The following SYNE1 variants were observed in gnomAD, a reference collection of about 807,000 sequenced individuals.
SYNE1 encodes the protein spectrin repeat containing nuclear envelope protein 1.
In SYNE1, 616 loss-of-function variants were observed where a neutral mutation model predicts 1,111.0. That is an observed-to-expected ratio of 0.55 (90% CI 0.52 to 0.59). The LOEUF is 0.59. SYNE1 is among the 20% of genes least tolerant of loss of function. SYNE1 has a pLI of 0.00. For synonymous variants in SYNE1, 3,855 were observed against 3,825.8 expected (o/e 1.01, Z -0.28); for missense variants, 10,006 against 10,417.0 (o/e 0.96, Z 1.72).
chr6:152,242,885 ACAACT>A (rs2086096816), intron 106 of SYNE1, among the ~76,000 whole-genome samples: 1 of 152,220 alleles, frequency 6.6e-6, no homozygotes, highest in East Asian at 1.9e-4. Flanking sequence ...TAATGTGGAA[ACAACT>A]CAACTCTTTG....
intron 3 of SYNE1, among the ~76,000 whole-genome samples, chr6:152,604,180 A>T (rs3076673): frequency 7.8e-6 from 1 of 128,164 alleles, no homozygotes; most frequent in African/African-American, 3.1e-5. Flanking sequence ...GTGTGTGTGT[A>T]TGTGTGTGTG....
chr6:152,360,184 A>G (rs2154065002), intron 64 of SYNE1, among the ~76,000 whole-genome samples: 1 of 152,294 alleles, frequency 6.6e-6, no homozygotes, highest in African/African-American at 2.4e-5. Flanking sequence ...TGCTGCCGGG[A>G]TCAAGTGGAA....
Position 152,202,131 on chromosome 6 carries a change from G to A in SYNE1, c.23020-182C>T, listed in dbSNP as rs192105822. On this transcript the variant is annotated intron_variant, in intron 126 of 145. Coordinates refer to ENST00000367255, the MANE Select transcript of SYNE1 (RefSeq NM_182961.4). Reference sequence around the variant, plus strand: ...GGAGGCCGAGGCGGGTGGATCACTCGAGGTCAGGAGTTTGTAACCAGTCTG... The same window carrying A: ...GGAGGCCGAGGCGGGTGGATCACTCAAGGTCAGGAGTTTGTAACCAGTCTG... Among the ~76,000 whole-genome samples the A allele has an allele frequency of 2.4e-3, 372 of 152,084 alleles. 1 individual carries two copies. Among genetic ancestry groups the A allele is most frequent in the African/African-American group, 8.6e-3 (357 of 41,512 alleles).
chr6:152,353,283 T>C lies in SYNE1; in HGVS notation c.11233A>G (p.Lys3745Glu), dbSNP rs1461326657. The C allele has an allele frequency of 6.2e-7, 1 of 1,614,190 alleles. No homozygotes were observed. The highest frequency in any genetic ancestry group is 1.7e-5 in the Admixed American group (1 of 60,024). Residue 3745 changes from lysine (K) to glutamate (E), a missense_variant, in exon 69 of 146, where the codon AAG (lysine) becomes GAG (glutamate). Lys to Glu is a moderately conservative substitution (Grantham distance 56). This residue lies in a region of SYNE1 where 4,955 missense variants were observed against 5,017.2 expected (regional missense o/e 0.99). Coordinates refer to ENST00000367255, the MANE Select transcript of SYNE1 (RefSeq NM_182961.4). Reference protein sequence around the residue: ...IDKVDTVMMGKKLKTLEVLLK... With the variant: ...IDKVDTVMMGEKLKTLEVLLK... ...CCTACCTCCAACGTCTTCAATTTCT[T>C]CCCCATCATTACTGTATCTACTTTG...
In SYNE1 at chr6:152,284,049, T is replaced by A. The variant is rs1456649889; in HGVS notation, c.18136A>T (p.Thr6046Ser). 1 of 1,614,088 alleles carries A rather than the reference T, an allele frequency of 6.2e-7. No individual in the cohort carries two copies. The highest frequency in any genetic ancestry group is 8.5e-7 in the Non-Finnish European group (1 of 1,180,046). ...ATTCGCTCGGCTAAGACAGTGAGCG[T>A]GGACTGCAAGGCCAGCTGCTCCGCA... ...DPAEQLALQS[T>S]LTVLAERMST... The change falls in exon 96 of 146, where the codon ACG becomes TCG. Residue 6046 changes from threonine (T) to serine (S), a missense_variant. Physicochemically the swap from Thr to Ser is moderately conservative, Grantham distance 58. Around this residue, in one of 7 missense-constraint regions of SYNE1, gnomAD observed 4,955 missense variants for 5,017.2 expected, o/e 0.99. Transcript: ENST00000367255.
At chr6:152,152,890 A>T (rs1388569133) in intron 133 of SYNE1, among the ~76,000 whole-genome samples, 1 of 152,206 alleles carries the variant, frequency 6.6e-6, no homozygotes, top group Non-Finnish European at 1.5e-5. Flanking sequence ...TCCCAGGGTC[A>T]GTTTAGAGAT....
At chr6:152,435,522 T>C (rs764365400) in intron 33 of SYNE1, 11 of 170,956 alleles carry the variant, frequency 6.4e-5, no homozygotes, top group Admixed American at 1.8e-4. Flanking sequence ...AGGTTGGAGA[T>C]ATATGGTCTA....
rs756840607 is a variant in SYNE1 at position 152,347,081 on chromosome 6, G to A, written c.12056C>T (p.Ala4019Val). ...CACCCTCTGAGCTGTGCTGCAGATC[G>A]CTGAGTAGCTGTCCTTTGTGCCCTG... is the stretch of plus-strand genomic sequence containing the variant. The part of the protein sequence containing the change: ...HLQGTKDSYS[A>V]ICSTAQRMYQ... The change falls in exon 73 of 146, where the codon GCG (alanine) becomes GTG (valine). Residue 4019 changes from alanine to valine, a missense_variant. Coordinates refer to ENST00000367255, the MANE Select transcript of SYNE1 (RefSeq NM_182961.4). 3.7e-6 allele frequency: 6 copies of A among 1,614,018 alleles called. No individual in the cohort carries two copies. Among genetic ancestry groups the A allele is most frequent in the African/African-American group, 1.3e-5 (1 of 74,914 alleles).
At chr6:152,494,077 G>A (rs970665422) in intron 11 of SYNE1, among the ~76,000 whole-genome samples, 10 of 152,130 alleles carry the variant, frequency 6.6e-5, no homozygotes, top group South Asian at 2.1e-4. Context: ...CTTTCTATCC[G>A]AACAACCTGA....
intron 41 of SYNE1, among the ~76,000 whole-genome samples, chr6:152,415,041 A>G (rs2098130874): frequency 6.6e-6 from 1 of 152,188 alleles, no homozygotes; most frequent in Admixed American, 6.5e-5. Flanking sequence ...ACAACCAGCA[A>G]TGGTCTTTCA....
intron 34 of SYNE1, among the ~76,000 whole-genome samples, chr6:152,431,102 A>G (rs1380512963): frequency 6.6e-6 from 1 of 152,204 alleles, no homozygotes; most frequent in Non-Finnish European, 1.5e-5. Context: ...AGAATGCTAA[A>G]TACTGACATT....
chr6:152,211,509 C>T lies in SYNE1; in HGVS notation c.22574G>A (p.Gly7525Asp). ...IIDGQRLLEQ[G>D]QVDDRDEFNL... is the part of the protein sequence containing the mutation. ...AAGATCCTACCTGTCATCAACTTGA[C>T]CTTGTTCTAGAAGACGTTGCCCATC... The change falls in exon 124 of 146, where the codon GGT becomes GAT. Residue 7525 changes from glycine to aspartate, a missense_variant. Around this residue, in one of 7 missense-constraint regions of SYNE1, gnomAD observed 2,182 missense variants for 2,287.8 expected, o/e 0.95. Coordinates refer to ENST00000367255, the MANE Select transcript of SYNE1 (RefSeq NM_182961.4). 6.2e-7 allele frequency: 1 copy of T among 1,613,542 alleles called. No individual in the cohort carries two copies. Among genetic ancestry groups the T allele is most frequent in the Non-Finnish European group, 8.5e-7 (1 of 1,179,636 alleles).
chr6:152,196,274 T>C (rs1292668449), intron 127 of SYNE1, among the ~76,000 whole-genome samples: 1 of 152,130 alleles, frequency 6.6e-6, no homozygotes, highest in African/African-American at 2.4e-5. Flanking sequence ...TCTTTCCTGT[T>C]GTTGCTATGC....
At chr6:152,393,474 T>C (rs973849601) in intron 51 of SYNE1, among the ~76,000 whole-genome samples, 9 of 151,840 alleles carry the variant, frequency 5.9e-5, no homozygotes, top group African/African-American at 2.2e-4. Flanking sequence ...GATGCTAGTA[T>C]TCTGTTAATT....
chr6:152,193,187 G>T (rs2073052225), intron 127 of SYNE1, among the ~76,000 whole-genome samples: 1 of 151,632 alleles, frequency 6.6e-6, no homozygotes, highest in African/African-American at 2.4e-5. Flanking sequence ...TTTCACTGTT[G>T]GTATGTTTTA....
At chr6:152,378,740 C>T (rs2097340016) in intron 56 of SYNE1, among the ~76,000 whole-genome samples, 2 of 152,140 alleles carry the variant, frequency 1.3e-5, no homozygotes, top group African/African-American at 4.8e-5. Flanking sequence ...TTTAAGTACC[C>T]CCTGCCCTCC....
intron 21 of SYNE1, among the ~76,000 whole-genome samples, chr6:152,461,002 C>T (rs1278129163): frequency 1.3e-5 from 2 of 151,618 alleles, no homozygotes; most frequent in African/African-American, 2.4e-5. Flanking sequence ...TAAGTAGAGA[C>T]GATGTTTCAT....
chr6:152,221,224 G>C (rs1428995900), intron 118 of SYNE1, among the ~76,000 whole-genome samples, 178 bp from the exon 119 acceptor site: 1 of 152,104 alleles, frequency 6.6e-6, no homozygotes, highest in Non-Finnish European at 1.5e-5. Context: ...GAGGATGATG[G>C]CAATCTTTGG....
At chr6:152,212,071 ACT>A (rs1185834705) in intron 123 of SYNE1, among the ~76,000 whole-genome samples, 4 of 152,152 alleles carry the variant, frequency 2.6e-5, no homozygotes, top group Admixed American at 6.5e-5. Context: ...ATTTTAAAAA[ACT>A]CAAGAGAAGG....
Sources: allele counts gnomAD v4.1 joint callset (sites outside exome capture counted in the v4.1 genomes callset), GRCh38; gene constraint gnomAD v4.1.1; regional missense constraint gnomAD v4.1.1; transcripts MANE v1.5; gene names NCBI Gene and HGNC (gene_info 2026-07-23, HGNC 2026-07-21).